LRRC4C: variants seen among roughly 807,000 people sequenced by gnomAD.
The protein encoded by LRRC4C is leucine-rich repeat-containing protein 4C.
Under a neutral mutation model 33.6 loss-of-function variants are expected in LRRC4C, and 5 were observed. The observed-to-expected ratio is 0.15, with a 90% CI of 0.08 to 0.31. LRRC4C has a LOEUF of 0.31. Among genes scored for constraint, LRRC4C ranks in the 10% least tolerant of loss-of-function variants. The probability of loss-of-function intolerance (pLI) is 1.00; values close to 1 mark genes in which losing one functional copy is unlikely to be tolerated. For synonymous variants in LRRC4C, 329 were observed against 302.0 expected (o/e 1.09, Z -0.93); for missense variants, 560 against 796.7 (o/e 0.70, Z 3.58).
intron 1 of LRRC4C, among the ~76,000 whole-genome samples, chr11:41,225,568 G>T (rs1189555982): frequency 6.6e-6 from 1 of 152,168 alleles, no homozygotes; most frequent in Non-Finnish European, 1.5e-5. Context: ...GGAGGCCAAG[G>T]TGAGAGGATT....
intron 2 of LRRC4C, among the ~76,000 whole-genome samples, chr11:40,903,391 T>C (rs893804994): frequency 6.6e-6 from 1 of 152,238 alleles, no homozygotes; most frequent in African/African-American, 2.4e-5. Flanking sequence ...TAGATTAATG[T>C]TGTTTTCAGA....
intron 3 of LRRC4C, among the ~76,000 whole-genome samples, chr11:40,330,248 T>C (rs1392517991): frequency 6.6e-6 from 1 of 152,166 alleles, no homozygotes; most frequent in East Asian, 1.9e-4. Context: ...TGGTAAAACA[T>C]TATTTCTGGG....
chr11:40,216,421 G>A lies in LRRC4C; in HGVS notation c.-96+25098C>T, dbSNP rs537247610. 1.9e-4 allele frequency among the ~76,000 whole-genome samples: 29 copies of A among 152,140 alleles called. No homozygotes were observed. In the South Asian group the frequency reaches 2.1e-3, roughly 11 times the overall value. On this transcript the variant is annotated intron_variant, in intron 5 of 6. Transcript: ENST00000528697. The stretch of plus-strand genomic sequence containing the variant: ...TGTGATAGAGGATGAATAGATTCCC[G>A]TTATTCCATTAGCCATCATAATCCC...
chr11:41,184,914 T>C (rs944554030), intron 1 of LRRC4C, among the ~76,000 whole-genome samples: 2 of 151,884 alleles, frequency 1.3e-5, no homozygotes, highest in African/African-American at 4.8e-5. Context: ...AGTCATATCT[T>C]ACGTGGATGG....
rs75879627 is a variant in LRRC4C at position 40,819,077 on chromosome 11, G to A, written c.-407+114558C>T. Among the ~76,000 whole-genome samples, 1,068 of 152,162 alleles carry A rather than the reference G, an allele frequency of 7.0e-3. 5 individuals are homozygous for A. The highest frequency in any genetic ancestry group is 0.041 in the Middle Eastern group (12 of 294). On this transcript the variant is annotated intron_variant, in intron 2 of 6. Transcript: ENST00000528697. ...TTTAAAGAAAATCTGAAAGGAAGGA[G>A]GTATCCAATGATACGTAATCCTGTT...
intron 2 of LRRC4C, among the ~76,000 whole-genome samples, chr11:40,860,088 C>T (rs895885057): frequency 5.7e-5 from 2 of 35,186 alleles, no homozygotes; most frequent in African/African-American, 1.5e-4. Flanking sequence ...TCTGTCCCCC[C>T]AAAAAATAAA....
intron 1 of LRRC4C, among the ~76,000 whole-genome samples, chr11:41,290,920 T>C: frequency 6.6e-6 from 1 of 152,176 alleles, no homozygotes; most frequent in East Asian, 1.9e-4. Context: ...ATTTCTGCTA[T>C]CTTAAGTGAC....
chr11:40,819,497 C>A (rs1951837163), intron 2 of LRRC4C, among the ~76,000 whole-genome samples: 1 of 152,098 alleles, frequency 6.6e-6, no homozygotes, highest in African/African-American at 2.4e-5. Flanking sequence ...GGCAGCAATG[C>A]CCACAAAGCC....
intron 2 of LRRC4C, among the ~76,000 whole-genome samples, chr11:40,883,677 T>C (rs1423555772): frequency 3.3e-5 from 5 of 151,960 alleles, no homozygotes; most frequent in South Asian, 2.1e-4. Flanking sequence ...TTATAAGTCA[T>C]GCTTTTTTTC....
chr11:41,366,207 TAGATA>T (rs1952533084), intron 1 of LRRC4C, among the ~76,000 whole-genome samples: 2 of 20,164 alleles, frequency 9.9e-5, no homozygotes, highest in African/African-American at 2.4e-4. Context: ...GACAGATAGA[TAGATA>T]GATAGATAGA....
At chr11:41,115,395 T>A (rs1942062990) in intron 1 of LRRC4C, among the ~76,000 whole-genome samples, 2 of 151,650 alleles carry the variant, frequency 1.3e-5, no homozygotes, top group Non-Finnish European at 2.9e-5. Context: ...CTTTTTTTTT[T>A]AGCCCATAGA....
Position 41,358,913 on chromosome 11 carries a change from C to T in LRRC4C, c.-496+100518G>A, listed in dbSNP as rs146883157. Among the ~76,000 whole-genome samples the T allele has an allele frequency of 1.6e-4, 24 of 152,228 alleles. No homozygotes were observed. In the East Asian group the frequency reaches 4.6e-3, roughly 29 times the overall value. The stretch of plus-strand genomic sequence containing the variant: ...TAAAAATATATATTCACACAAAGAT[C>T]TGCATATGAATGTTATTATAAACTT... On this transcript the variant is annotated intron_variant, in intron 1 of 6. Transcript: ENST00000528697.
At chr11:40,305,375 C>T (rs1350383706) in intron 4 of LRRC4C, among the ~76,000 whole-genome samples, 1 of 152,160 alleles carries the variant, frequency 6.6e-6, no homozygotes, top group Non-Finnish European at 1.5e-5. Context: ...GCATATACTC[C>T]ACTCATAGAA....
At position 41,283,411 on chromosome 11, in the gene LRRC4C, G is replaced by A. The variant is rs1949729636; in HGVS notation, c.-496+176020C>T. Among the ~76,000 whole-genome samples the A allele has an allele frequency of 2.0e-5, 3 of 152,212 alleles. No individual in the cohort carries two copies. In the South Asian group the frequency reaches 6.2e-4, roughly 32 times the overall value. ...TAGGTGGTGAATAATGCATGGATTA[G>A]TCTAATAAAGGAACCACACGCTATT... On this transcript the variant is annotated intron_variant, in intron 1 of 6. Transcript: ENST00000528697.
At chr11:40,276,046 TGAGATAGA>T (rs2136392535) in intron 4 of LRRC4C, among the ~76,000 whole-genome samples, 1 of 152,254 alleles carries the variant, frequency 6.6e-6, no homozygotes, top group South Asian at 2.1e-4. Context: ...GAGGAGGAGC[TGAGATAGA>T]GAGGCTCTCT....
At chr11:41,234,830 T>C (rs1318107977) in intron 1 of LRRC4C, among the ~76,000 whole-genome samples, 1 of 152,008 alleles carries the variant, frequency 6.6e-6, no homozygotes, top group Non-Finnish European at 1.5e-5. Flanking sequence ...TTGTCCAAGG[T>C]TAAGTGTTCA....
chr11:40,764,367 A>T (rs940557769), intron 2 of LRRC4C, among the ~76,000 whole-genome samples: 2 of 151,704 alleles, frequency 1.3e-5, no homozygotes, highest in Admixed American at 1.3e-4. Context: ...CCACAGGGAA[A>T]GATTCCTTCT....
intron 1 of LRRC4C, among the ~76,000 whole-genome samples, chr11:41,062,334 G>A (rs1937845693): frequency 6.6e-6 from 1 of 152,124 alleles, no homozygotes; most frequent in South Asian, 2.1e-4. Context: ...GCTAAATGAT[G>A]AGAACATACA....
At chr11:40,917,278 ATAG>A (rs1404237448) in intron 2 of LRRC4C, among the ~76,000 whole-genome samples, 1 of 152,172 alleles carries the variant, frequency 6.6e-6, no homozygotes, top group Non-Finnish European at 1.5e-5. Context: ...TGTGACTCAG[ATAG>A]TATATCACTA....
Sources: allele counts gnomAD v4.1 joint callset (sites outside exome capture counted in the v4.1 genomes callset), GRCh38; gene constraint gnomAD v4.1.1; transcripts MANE v1.5; gene names NCBI Gene and HGNC (gene_info 2026-07-23, HGNC 2026-07-21).